The following KIF2A variants were observed in gnomAD, a reference collection of about 807,000 sequenced individuals.
KIF2A encodes the protein kinesin family member 2A.
In KIF2A, 22 loss-of-function variants were observed where a neutral mutation model predicts 100.2. That is an observed-to-expected ratio of 0.22 (90% CI 0.16 to 0.31). KIF2A has a LOEUF of 0.31. Ranked by LOEUF, KIF2A falls within the 10% of genes least tolerant of loss-of-function variation. The pLI is 1.00. For missense variants in KIF2A, 495 were observed against 898.7 expected (o/e 0.55, Z 5.74); for synonymous variants, 268 against 285.9 (o/e 0.94, Z 0.63).
intron 8 of KIF2A, 25 bp downstream of exon 8, chr5:62,357,770 A>G: frequency 7.4e-7 from 1 of 1,354,058 alleles, no homozygotes; most frequent in Non-Finnish European, 1.0e-6. Context: ...GAGCTCTAAT[A>G]AAAGATTGAT....
intron 1 of KIF2A, among the ~76,000 whole-genome samples, chr5:62,328,323 T>TG (rs1371994676): frequency 2.0e-5 from 3 of 151,410 alleles, no homozygotes; most frequent in Non-Finnish European, 2.9e-5. Flanking sequence ...CTGTGTGGTT[T>TG]TTTTTTTTTT....
Position 62,388,961 on chromosome 5 carries a change from C to A in KIF2A, c.*3392C>A, listed in dbSNP as rs773376447. 7 of 1,542,932 alleles carry A rather than the reference C, an allele frequency of 4.5e-6. No homozygotes were observed. The highest frequency in any genetic ancestry group is 1.8e-5 in the Admixed American group (1 of 55,178). On this transcript the variant is annotated 3_prime_UTR_variant, in exon 21 of 21. Transcript: ENST00000407818. ...ATTATCTTCTCAAATACAAAAAATA[C>A]AAAATTCATTTCTTTTCTTGACCTT...
chr5:62,368,173 T>C (rs964439635), intron 16 of KIF2A, among the ~76,000 whole-genome samples: 2 of 152,100 alleles, frequency 1.3e-5, no homozygotes, highest in African/African-American at 4.8e-5. Context: ...ATGTGCTCCT[T>C]CCTGTTCACA....
intron 1 of KIF2A, among the ~76,000 whole-genome samples, chr5:62,322,733 TGC>T (rs1303272533): frequency 6.6e-6 from 1 of 152,074 alleles, no homozygotes; most frequent in Non-Finnish European, 1.5e-5. Flanking sequence ...CACACATATA[TGC>T]ATATATGGTA....
intron 12 of KIF2A, 131 bp from the exon 13 acceptor site, chr5:62,363,047 T>G (rs539365959): frequency 1.5e-6 from 1 of 654,592 alleles, no homozygotes; most frequent in South Asian, 2.4e-5. Flanking sequence ...AGGCTGGTTT[T>G]GAACTCCTGA....
chr5:62,316,884 A>C (rs1415222917), intron 1 of KIF2A, among the ~76,000 whole-genome samples: 1 of 152,194 alleles, frequency 6.6e-6, no homozygotes, highest in Non-Finnish European at 1.5e-5. Flanking sequence ...TTAATGACAA[A>C]AAAATTATAA....
chr5:62,350,713 AC>A (rs1240785528), intron 4 of KIF2A, among the ~76,000 whole-genome samples: 1 of 149,654 alleles, frequency 6.7e-6, no homozygotes, highest in Non-Finnish European at 1.5e-5. Context: ...GTAGTTCAAG[AC>A]CCCCCTGGTC....
intron 17 of KIF2A, among the ~76,000 whole-genome samples, chr5:62,372,847 A>G (rs1173315038): frequency 6.6e-6 from 1 of 152,212 alleles, no homozygotes; most frequent in Non-Finnish European, 1.5e-5. Flanking sequence ...GAATTGTTAA[A>G]AGATAAATTA....
chr5:62,338,878 A>T (rs1747123248), intron 1 of KIF2A, among the ~76,000 whole-genome samples: 2 of 152,216 alleles, frequency 1.3e-5, no homozygotes, highest in African/African-American at 4.8e-5. Context: ...CCAACACTCA[A>T]GTCAGTACTC....
At chr5:62,376,079 A>C (rs1299270445) in intron 18 of KIF2A, among the ~76,000 whole-genome samples, 3 of 152,348 alleles carry the variant, frequency 2.0e-5, no homozygotes, top group East Asian at 3.9e-4. Context: ...GTGGAAAACC[A>C]GAGCAAGATA....
intron 7 of KIF2A, 102 bp from the exon 8 acceptor site, chr5:62,357,589 G>A: frequency 1.8e-6 from 1 of 544,874 alleles, no homozygotes; most frequent in Non-Finnish European, 3.1e-6. Context: ...TTTATGCTAT[G>A]TATAAATTTC....
rs138345231 is a variant in KIF2A at position 62,342,953 on chromosome 5, T to C, written c.65-4177T>C. On this transcript the variant is annotated intron_variant, in intron 1 of 20. Coordinates refer to ENST00000407818, the MANE Select transcript of KIF2A (RefSeq NM_001098511.3). ...TTTTAGTAGAGACTGTGTTTCACCATGTTGGCCAGGCTGGTCTTGAACCCC... is the reference window on the plus strand; with the variant it reads ...TTTTAGTAGAGACTGTGTTTCACCACGTTGGCCAGGCTGGTCTTGAACCCC... 5.9e-3 allele frequency among the ~76,000 whole-genome samples: 904 copies of C among 152,222 alleles called. 10 individuals carry two copies. The highest frequency in any genetic ancestry group is 0.042 in the South Asian group (203 of 4,822).
chr5:62,376,797 G>A (rs374802070), intron 18 of KIF2A, among the ~76,000 whole-genome samples: 11 of 152,002 alleles, frequency 7.2e-5, no homozygotes, highest in African/African-American at 2.7e-4. Context: ...AATCAGAGAA[G>A]CTCTGACTTG....
At chr5:62,323,867 G>A (rs558970928) in intron 1 of KIF2A, among the ~76,000 whole-genome samples, 17 of 151,798 alleles carry the variant, frequency 1.1e-4, no homozygotes, top group African/African-American at 2.7e-4. Flanking sequence ...GCAAAACCTC[G>A]TCTCTACTCT....
chr5:62,352,686 G>A lies in KIF2A; in HGVS notation c.433G>A (p.Ala145Thr). The A allele has an allele frequency of 6.2e-7, 1 of 1,609,874 alleles. No homozygotes were observed. Among genetic ancestry groups the A allele is most frequent in the South Asian group, 1.1e-5 (1 of 90,520 alleles). ...SVSDISPVQA[A>T]KKEFGPPSRR... Reference sequence around the variant, plus strand: ...TTCAGATATATCTCCAGTTCAAGCTGCAAAAAAGGAATTTGGACCCCCTTG... The same window carrying A: ...TTCAGATATATCTCCAGTTCAAGCTACAAAAAAGGAATTTGGACCCCCTTG... The change falls in exon 5 of 21, where the codon GCA becomes ACA. Residue 145 changes from alanine (A) to threonine (T), a missense_variant. Ala to Thr is a moderately conservative substitution (Grantham distance 58). This residue lies in a region of KIF2A where 115 missense variants were observed against 143.6 expected (regional missense o/e 0.80). Transcript: ENST00000407818.
chr5:62,362,506 G>A lies in KIF2A; in HGVS notation c.1084G>A (p.Val362Ile). Reference sequence around the variant, plus strand: ...AAACTATAAGAAGCTAGAACTTCAAGTATATGCAACCTTCTTTGAAATTTA... The same window carrying A: ...AAACTATAAGAAGCTAGAACTTCAAATATATGCAACCTTCTTTGAAATTTA... ...KPNYKKLELQVYATFFEIYSG... is the reference protein window; with the variant it reads ...KPNYKKLELQIYATFFEIYSG... The change falls in exon 12 of 21, where the codon GTA (valine) becomes ATA (isoleucine). Residue 362 changes from valine (V) to isoleucine (I), a missense_variant. Val to Ile is a conservative substitution (Grantham distance 29). Coordinates refer to ENST00000407818, the MANE Select transcript of KIF2A (RefSeq NM_001098511.3). 6.8e-7 allele frequency: 1 copy of A among 1,459,924 alleles called. No homozygotes were observed. The highest frequency in any genetic ancestry group is 1.8e-4 in the Middle Eastern group (1 of 5,622). The allele number at this position is 1,459,924 out of a possible 1,614,324, so 90.4% of individuals were successfully genotyped here. A position where few individuals can be genotyped will look rare whatever the true frequency, so the allele number is the denominator to read the frequency against.
At chr5:62,378,474 C>G (rs1432344894) in intron 19 of KIF2A, among the ~76,000 whole-genome samples, 1 of 152,178 alleles carries the variant, frequency 6.6e-6, no homozygotes, top group Non-Finnish European at 1.5e-5. Context: ...AACTGCCTCC[C>G]TTGTTGACTT....
At position 62,344,629 on chromosome 5, in the gene KIF2A, A is replaced by C. The variant is rs1222887810; in HGVS notation, c.65-2501A>C. On this transcript the variant is annotated intron_variant, in intron 1 of 20. Transcript: ENST00000407818. ...TTCTTGACCCACTAATTCTCCTTCT[A>C]GAAATTTTATTTGTGGAAGCATTCA... Among the ~76,000 whole-genome samples the C allele has an allele frequency of 3.3e-5, 5 of 152,304 alleles. 1 individual carries two copies. The Middle Eastern group carries it at 0.01, about 311-fold the overall frequency.
At chr5:62,349,220 A>C (rs1470046922) in intron 3 of KIF2A, among the ~76,000 whole-genome samples, 2 of 152,002 alleles carry the variant, frequency 1.3e-5, no homozygotes, top group Non-Finnish European at 2.9e-5. Flanking sequence ...TACCTGGAAT[A>C]GATTAAATCA....
Sources: allele counts gnomAD v4.1 joint callset (sites outside exome capture counted in the v4.1 genomes callset), GRCh38; gene constraint gnomAD v4.1.1; regional missense constraint gnomAD v4.1.1; transcripts MANE v1.5; gene names NCBI Gene and HGNC (gene_info 2026-07-23, HGNC 2026-07-21).